The following TRPM6 variants were observed in gnomAD, a reference collection of about 807,000 sequenced individuals.
TRPM6 encodes channel kinase 2.
A neutral mutation model predicts 247.6 loss-of-function variants in TRPM6; 111 were observed. The observed-to-expected ratio is 0.45, with a 90% CI of 0.38 to 0.52. TRPM6 has a LOEUF of 0.52. Ranked by LOEUF, TRPM6 falls within the 20% of genes least tolerant of loss-of-function variation. The pLI, the probability that TRPM6 is intolerant of heterozygous loss-of-function variation, is 0.00. For synonymous variants in TRPM6, 892 were observed against 853.8 expected, an observed-to-expected ratio of 1.04 and a Z score of -0.78; for missense variants, 2,126 against 2,421.5, an observed-to-expected ratio of 0.88 and a Z score of 2.56.
intron 27 of TRPM6, among the ~76,000 whole-genome samples, chr9:74,759,046 G>C (rs1414779749): frequency 6.6e-6 from 1 of 152,084 alleles, no homozygotes; most frequent in African/African-American, 2.4e-5. Context: ...AAATAGGGAT[G>C]CATTTAACAA....
At chr9:74,865,174 G>A (rs991312181) in intron 1 of TRPM6, among the ~76,000 whole-genome samples, 3 of 152,106 alleles carry the variant, frequency 2.0e-5, no homozygotes, top group Non-Finnish European at 4.4e-5. Context: ...AGCCAAATAG[G>A]GGATTAGAGG....
At chr9:74,759,302 A>T (rs1421408900) in intron 27 of TRPM6, among the ~76,000 whole-genome samples, 6 of 50,750 alleles carry the variant, frequency 1.2e-4, no homozygotes, top group African/African-American at 4.1e-4. Context: ...AAATAGCCAA[A>T]CTTTTGAAAA....
chr9:74,803,750 C>G, intron 15 of TRPM6, 44 bp downstream of exon 15: 1 of 1,394,712 alleles, frequency 7.2e-7, no homozygotes, highest in South Asian at 1.2e-5. Flanking sequence ...TCTCGAGCTG[C>G]AAAAAACATT....
chr9:74,805,310 T>C (rs10512038), intron 14 of TRPM6, among the ~76,000 whole-genome samples: 41,305 of 152,032 alleles, frequency 0.27, 6,009 homozygotes, highest in African/African-American at 0.38. Flanking sequence ...ACCTATGCTC[T>C]GTAATGCAAT....
At chr9:74,823,858 A>C (rs1829220815) in intron 7 of TRPM6, among the ~76,000 whole-genome samples, 1 of 152,110 alleles carries the variant, frequency 6.6e-6, no homozygotes, top group African/African-American at 2.4e-5. Flanking sequence ...GCAGGGGAAA[A>C]ACTACAAAAG....
chr9:74,868,827 G>A (rs1391819550), intron 1 of TRPM6, among the ~76,000 whole-genome samples: 9 of 152,108 alleles, frequency 5.9e-5, no homozygotes, highest in African/African-American at 2.2e-4. Context: ...AAGCCATGAG[G>A]TCACTGAAGG....
At position 74,747,934 on chromosome 9, in the gene TRPM6, AGTT is replaced by A; in HGVS notation, c.5058-23_5058-21del. 1 of 1,611,010 alleles carries A rather than the reference AGTT, an allele frequency of 6.2e-7. No individual in the cohort carries two copies. The highest frequency in any genetic ancestry group is 1.3e-5 in the African/African-American group (1 of 75,018). ...TTCAGCCTGTTTGAAAAAAAAATGA[AGTT>A]GTTTAGATAATGCTGCCTTAAATCT... On this transcript the variant is annotated intron_variant, in intron 30 of 38. Coordinates refer to ENST00000360774, the MANE Select transcript of TRPM6 (RefSeq NM_017662.5).
chr9:74,726,192 A>G (rs1471564704), intron 38 of TRPM6, among the ~76,000 whole-genome samples: 1 of 152,230 alleles, frequency 6.6e-6, no homozygotes, highest in Non-Finnish European at 1.5e-5. Flanking sequence ...GAAAACATGA[A>G]TTAGGACTAG....
chr9:74,737,493 A>C (rs1201422807), intron 36 of TRPM6: 1 of 1,196,968 alleles, frequency 8.4e-7, no homozygotes, highest in African/African-American at 1.6e-5. Flanking sequence ...CAAGTTGTTT[A>C]AACAAACCAT....
At chr9:74,858,862 A>C in intron 1 of TRPM6, 114 bp from the exon 2 acceptor site, 2 of 808,996 alleles carry the variant, frequency 2.5e-6, no homozygotes, top group Non-Finnish European at 4.1e-6. Context: ...TTAAAATGCC[A>C]AGACCAACCC....
intron 11 of TRPM6, among the ~76,000 whole-genome samples, chr9:74,815,260 T>C (rs540498449): frequency 6.6e-6 from 1 of 152,160 alleles, no homozygotes; most frequent in South Asian, 2.1e-4. Flanking sequence ...TTTTTTTAAC[T>C]TCCAGATAGG....
chr9:74,887,429 T>A (rs1831572291), intron 1 of TRPM6: 1 of 1,186,186 alleles, frequency 8.4e-7, no homozygotes, highest in African/African-American at 1.5e-5. Flanking sequence ...CTCCGGATTC[T>A]CAGCTCAAGC....
intron 1 of TRPM6, among the ~76,000 whole-genome samples, chr9:74,874,938 C>G (rs1172758698): frequency 6.9e-6 from 1 of 144,570 alleles, no homozygotes; most frequent in Admixed American, 6.9e-5. Flanking sequence ...TTTTTTTTTG[C>G]TACTTTTAGT....
intron 1 of TRPM6, among the ~76,000 whole-genome samples, chr9:74,875,876 G>A (rs1831179415): frequency 6.6e-6 from 1 of 152,116 alleles, no homozygotes; most frequent in Non-Finnish European, 1.5e-5. Flanking sequence ...ACAGGCCAAG[G>A]ATCTGTAAAG....
chr9:74,763,496 A>T (rs1454214230), intron 25 of TRPM6, among the ~76,000 whole-genome samples: 2 of 152,194 alleles, frequency 1.3e-5, no homozygotes, highest in African/African-American at 4.8e-5. Flanking sequence ...CATGACAAAC[A>T]CTTGAATACT....
intron 5 of TRPM6, 130 bp from the exon 6 acceptor site, chr9:74,834,252 T>C (rs1163510903): frequency 1.8e-6 from 2 of 1,085,992 alleles, no homozygotes; most frequent in African/African-American, 3.1e-5. Flanking sequence ...GCTGGTACAG[T>C]GGAATTAGTT....
At chr9:74,882,569 C>G (rs925342978) in intron 1 of TRPM6, among the ~76,000 whole-genome samples, 2 of 152,174 alleles carry the variant, frequency 1.3e-5, no homozygotes, top group Non-Finnish European at 2.9e-5. Flanking sequence ...GATATCATCT[C>G]GCTCCAGTTA....
At chr9:74,765,479 C>T (rs988306881) in intron 25 of TRPM6, among the ~76,000 whole-genome samples, 1 of 151,946 alleles carries the variant, frequency 6.6e-6, no homozygotes, top group Non-Finnish European at 1.5e-5. Context: ...TTCTTTTCTT[C>T]CCTTGTTTCA....
chr9:74,767,706 C>G (rs1328113864), intron 25 of TRPM6, among the ~76,000 whole-genome samples: 1 of 152,086 alleles, frequency 6.6e-6, no homozygotes, highest in South Asian at 2.1e-4. Context: ...CGGTAACTCA[C>G]GCCTGTAATC....
Sources: gnomAD v4.1 joint callset for allele counts (sites outside exome capture counted in the v4.1 genomes callset) on GRCh38, gnomAD v4.1.1 for gene constraint, MANE v1.5 for transcripts, NCBI Gene and HGNC (gene_info 2026-07-23, HGNC 2026-07-21) for gene names.